Variants in CACNA2D1 observed in about 807,000 individuals in gnomAD.
CACNA2D1 encodes the protein calcium voltage-gated channel auxiliary subunit alpha2delta 1.
Under a neutral mutation model 171.5 loss-of-function variants are expected in CACNA2D1, and 53 were observed. That is an observed-to-expected ratio of 0.31 (90% CI 0.25 to 0.39). The LOEUF (loss-of-function observed/expected upper bound fraction) is 0.39. CACNA2D1 is among the 10% of genes least tolerant of loss of function. CACNA2D1 has a pLI of 1.00. For synonymous variants in CACNA2D1, 442 were observed against 443.1 expected (o/e 1.00, Z 0.03); for missense variants, 903 against 1,299.8 (o/e 0.69, Z 4.69).
rs1054264486 is a variant in CACNA2D1, at chr7:81,950,247, T to C, written c.*145A>G. On this transcript the variant is annotated 3_prime_UTR_variant, in exon 39 of 39. Coordinates refer to ENST00000356860, the MANE Select transcript of CACNA2D1 (RefSeq NM_000722.4). ...ATGCAGCCAGTGGGTGCCTTAGGAG[T>C]CTGCGCCTTAGTGTTATGCCATGGA... 9.6e-6 allele frequency: 14 copies of C among 1,456,338 alleles called. No homozygotes were observed. The African/African-American group carries it at 1.5e-4, about 16-fold the overall frequency. The allele number at this position is 1,456,338 out of a possible 1,614,324, so 90.2% of individuals were successfully genotyped here.
At chr7:82,392,064 C>T (rs995359325) in intron 1 of CACNA2D1, among the ~76,000 whole-genome samples, 1 of 152,158 alleles carries the variant, frequency 6.6e-6, no homozygotes, top group Non-Finnish European at 1.5e-5. Flanking sequence ...AAAAGCCAAG[C>T]TACAAGTTAA....
At position 82,079,981 on chromosome 7, in the gene CACNA2D1, T is replaced by C. The variant is rs190010600; in HGVS notation, c.658+4788A>G. Among the ~76,000 whole-genome samples the C allele has an allele frequency of 9.9e-3, 1,499 of 151,798 alleles. 6 individuals carry two copies. Among genetic ancestry groups the C allele is most frequent in the Middle Eastern group, 0.021 (6 of 292 alleles). ...TGTATGTCAAAACTTATACATATTA[T>C]CTTTCAATTTTTAATTTTTTTATTT... On this transcript the variant is annotated intron_variant, in intron 7 of 38. Transcript: ENST00000356860.
intron 3 of CACNA2D1, among the ~76,000 whole-genome samples, chr7:82,192,787 G>GT (rs1234561215): frequency 2.9e-5 from 4 of 138,592 alleles, no homozygotes; most frequent in Non-Finnish European, 6.2e-5. Context: ...CTTTTCTTCT[G>GT]TAACTCTAAC....
chr7:82,160,303 G>A (rs961300370), intron 4 of CACNA2D1, among the ~76,000 whole-genome samples: 1 of 151,448 alleles, frequency 6.6e-6, no homozygotes, highest in Non-Finnish European at 1.5e-5. Flanking sequence ...CACCTCCTTG[G>A]TCAACATACT....
At chr7:82,310,280 A>G (rs1814268347) in intron 3 of CACNA2D1, among the ~76,000 whole-genome samples, 1 of 151,914 alleles carries the variant, frequency 6.6e-6, no homozygotes, top group Admixed American at 6.6e-5. Context: ...CAATGTGTAC[A>G]AGAAAAGCAG....
At chr7:82,186,243 G>GAAGGAAGA (rs1554450521) in intron 3 of CACNA2D1, among the ~76,000 whole-genome samples, 13 of 117,376 alleles carry the variant, frequency 1.1e-4, no homozygotes, top group African/African-American at 3.9e-4. Flanking sequence ...AGGAAGGAAG[G>GAAGGAAGA]AAGGAAGGAA....
chr7:81,958,245 A>G (rs895672416), intron 38 of CACNA2D1, among the ~76,000 whole-genome samples: 1 of 152,000 alleles, frequency 6.6e-6, no homozygotes, highest in Admixed American at 6.6e-5. Context: ...TCTTTGTGCT[A>G]TTTTTAATTT....
intron 6 of CACNA2D1, among the ~76,000 whole-genome samples, chr7:82,090,982 T>C (rs772163850): frequency 6.6e-6 from 1 of 152,276 alleles, no homozygotes; most frequent in South Asian, 2.1e-4. Flanking sequence ...CATTATCAGA[T>C]AAGCTGAGCC....
chr7:82,164,298 C>T (rs186726079), intron 4 of CACNA2D1, among the ~76,000 whole-genome samples: 21 of 152,066 alleles, frequency 1.4e-4, no homozygotes, highest in Admixed American at 3.9e-4. Context: ...GCATTAGCCA[C>T]GGTTTTATCC....
intron 3 of CACNA2D1, among the ~76,000 whole-genome samples, chr7:82,177,596 C>A (rs1349435599): frequency 7.6e-6 from 1 of 131,052 alleles, no homozygotes; most frequent in African/African-American, 2.5e-5. Context: ...AAGCTGGAGC[C>A]ATTTCTAAGA....
At chr7:82,385,604 T>C (rs1824256045) in intron 1 of CACNA2D1, among the ~76,000 whole-genome samples, 1 of 152,218 alleles carries the variant, frequency 6.6e-6, no homozygotes, top group South Asian at 2.1e-4. Context: ...AGATACCACT[T>C]ACACTAGTAC....
intron 5 of CACNA2D1, among the ~76,000 whole-genome samples, chr7:82,123,476 C>T (rs758654628): frequency 1.3e-4 from 20 of 152,218 alleles, no homozygotes; most frequent in East Asian, 5.8e-4. Flanking sequence ...AAATTAAATA[C>T]GGAGAGAATA....
chr7:82,143,261 G>A (rs1419556690), intron 4 of CACNA2D1, among the ~76,000 whole-genome samples: 14 of 152,086 alleles, frequency 9.2e-5, no homozygotes, highest in Admixed American at 6.6e-4. Context: ...AACTGAAGAC[G>A]TGATAAACCT....
Position 81,947,811 on chromosome 7 carries a change from A to C in CACNA2D1, c.*2581T>G, listed in dbSNP as rs1562754355. 1 of 151,908 alleles carries C rather than the reference A, an allele frequency of 6.6e-6. No homozygotes were observed. Among genetic ancestry groups the C allele is most frequent in the East Asian group, 1.9e-4 (1 of 5,186 alleles). The allele number at this position is 151,908 out of a possible 1,614,324, so 9.4% of individuals were successfully genotyped here. A position where few individuals can be genotyped will look rare whatever the true frequency, so the allele number is the denominator to read the frequency against. On this transcript the variant is annotated 3_prime_UTR_variant, in exon 39 of 39. Coordinates refer to ENST00000356860, the MANE Select transcript of CACNA2D1 (RefSeq NM_000722.4). Reference sequence around the variant, plus strand: ...TGTTACTGTCTTAAAAAATATGCTAAAAGCATGAAGACTAATATTAGTCAT... The same window carrying C: ...TGTTACTGTCTTAAAAAATATGCTACAAGCATGAAGACTAATATTAGTCAT...
At chr7:82,248,173 A>G (rs773746201) in intron 3 of CACNA2D1, among the ~76,000 whole-genome samples, 10 of 152,244 alleles carry the variant, frequency 6.6e-5, no homozygotes, top group Non-Finnish European at 1.5e-4. Context: ...ATAAAATGAT[A>G]ATAATAAAGT....
intron 3 of CACNA2D1, among the ~76,000 whole-genome samples, chr7:82,196,823 T>G (rs1798899913): frequency 6.6e-6 from 1 of 151,972 alleles, no homozygotes; most frequent in African/African-American, 2.4e-5. Flanking sequence ...TACATTTTTT[T>G]TTTTTATATA....
At chr7:82,022,123 T>C (rs1353734171) in intron 12 of CACNA2D1, among the ~76,000 whole-genome samples, 1 of 151,844 alleles carries the variant, frequency 6.6e-6, no homozygotes, top group Non-Finnish European at 1.5e-5. Flanking sequence ...TATTCAAAGC[T>C]GAAGATGTGC....
chr7:82,245,723 CTTTAAAGGGAAGA>C (rs1273163191), intron 3 of CACNA2D1, among the ~76,000 whole-genome samples: 1 of 150,370 alleles, frequency 6.7e-6, no homozygotes, highest in East Asian at 1.9e-4. Flanking sequence ...GTAAAATTCA[CTTTAAAGGGAAGA>C]TTGCCAATTC....
At chr7:82,121,738 T>C (rs925332025) in intron 5 of CACNA2D1, among the ~76,000 whole-genome samples, 1 of 143,720 alleles carries the variant, frequency 7.0e-6, no homozygotes, top group Non-Finnish European at 1.5e-5. Context: ...AAATTATGTA[T>C]TTAATGAATA....
Sources: allele counts gnomAD v4.1 joint callset (sites outside exome capture counted in the v4.1 genomes callset), GRCh38; gene constraint gnomAD v4.1.1; transcripts MANE v1.5; gene names NCBI Gene and HGNC (gene_info 2026-07-23, HGNC 2026-07-21).